TNS1: variants seen among roughly 807,000 people sequenced by gnomAD.
The protein encoded by TNS1 is tensin-1.
In TNS1, 62 loss-of-function variants were observed where a neutral mutation model predicts 168.6. The ratio of observed to expected loss-of-function variants is 0.37; its 90% CI spans 0.30 to 0.45. TNS1 has a LOEUF of 0.45. Among genes scored for constraint, TNS1 ranks in the 20% least tolerant of loss-of-function variants. The pLI, the probability that TNS1 is intolerant of heterozygous loss-of-function variation, is 1.00. For missense variants in TNS1, 2,240 were observed against 2,339.4 expected, an observed-to-expected ratio of 0.96 and a Z score of 0.88; for synonymous variants, 934 against 933.2, an observed-to-expected ratio of 1.00 and a Z score of -0.02.
chr2:217,950,035 C>A (rs968058209), intron 3 of TNS1, among the ~76,000 whole-genome samples: 1 of 152,098 alleles, frequency 6.6e-6, no homozygotes, highest in African/African-American at 2.4e-5. Flanking sequence ...AGCATCTAGA[C>A]CAAAGGAGAT....
intron 18 of TNS1, among the ~76,000 whole-genome samples, chr2:217,878,360 G>A (rs1012474658): frequency 1.3e-5 from 2 of 152,310 alleles, no homozygotes; most frequent in Middle Eastern, 3.4e-3. Flanking sequence ...GGCCCCTAGG[G>A]ACGTCAGCCA....
chr2:217,831,377 G>A, intron 22 of TNS1, 78 bp downstream of exon 22: 2 of 1,316,662 alleles, frequency 1.5e-6, no homozygotes, highest in South Asian at 2.9e-5. Context: ...CAGATTCTGA[G>A]ACCCGGGTTT....
intron 3 of TNS1, among the ~76,000 whole-genome samples, chr2:217,963,414 G>A (rs1392135232): frequency 6.6e-6 from 1 of 152,078 alleles, no homozygotes; most frequent in East Asian, 1.9e-4. Context: ...CACCGGGAGC[G>A]TAAAAGCACT....
At chr2:217,859,244 A>T in intron 18 of TNS1, 1 of 207,426 alleles carries the variant, frequency 4.8e-6, no homozygotes, top group Non-Finnish European at 9.6e-6. Flanking sequence ...GGGTATTGAG[A>T]TTTATTTCCC....
chr2:217,915,061 C>G (rs577433995), intron 4 of TNS1, among the ~76,000 whole-genome samples: 33 of 152,298 alleles, frequency 2.2e-4, no homozygotes, highest in African/African-American at 7.7e-4. Context: ...AGAGTTTGCC[C>G]CTCCCCTTTG....
chr2:218,026,596 TG>T (rs1381896873), intron 1 of TNS1, among the ~76,000 whole-genome samples: 1 of 152,136 alleles, frequency 6.6e-6, no homozygotes, highest in Admixed American at 6.5e-5. Context: ...AAAAGGTGGC[TG>T]TAGGGCACTT....
intron 3 of TNS1, among the ~76,000 whole-genome samples, chr2:217,956,113 G>A (rs1007105920): frequency 6.6e-6 from 1 of 152,130 alleles, no homozygotes; most frequent in African/African-American, 2.4e-5. Context: ...CCCACCCAGG[G>A]GTCAAGAGGA....
intron 1 of TNS1, among the ~76,000 whole-genome samples, chr2:218,022,303 C>G (rs913187935): frequency 6.6e-6 from 1 of 152,104 alleles, no homozygotes; most frequent in African/African-American, 2.4e-5. Context: ...TGGCCCCTAC[C>G]CCACCATGCC....
Position 217,836,034 on chromosome 2 carries a change from G to A in TNS1, c.3185C>T (p.Pro1062Leu). ...ACTCACCTCTTTGGGCCGCCCTCCA[G>A]GATTGAGAGCGATGGTAAGAGCCAG... ...PELALTIALN[P>L]GGRPKEPHLH... Residue 1062 changes from proline to leucine, a missense_variant, in exon 20 of 33, where the codon CCT (proline) becomes CTT (leucine). Pro to Leu is a moderately conservative substitution (Grantham distance 98, BLOSUM62 -3). This residue lies in a region of TNS1 where 2,131 missense variants were observed against 2,171.2 expected (regional missense o/e 0.98). Transcript: ENST00000682258. 1 of 1,613,802 alleles carries A rather than the reference G, an allele frequency of 6.2e-7. No individual in the cohort carries two copies. Among genetic ancestry groups the A allele is most frequent in the South Asian group, 1.1e-5 (1 of 91,068 alleles).
intron 3 of TNS1, among the ~76,000 whole-genome samples, chr2:217,970,593 A>G (rs1957752687): frequency 6.6e-6 from 1 of 152,242 alleles, no homozygotes; most frequent in Admixed American, 6.5e-5. Flanking sequence ...GCATAGATGT[A>G]CCTTGAAAAT....
intron 3 of TNS1, among the ~76,000 whole-genome samples, chr2:217,944,402 A>G (rs1957049672): frequency 6.6e-6 from 1 of 152,336 alleles, no homozygotes; most frequent in Middle Eastern, 3.4e-3. Context: ...TCAAGACTCT[A>G]TAGAAAAGAC....
rs548869325 is a variant in TNS1 at position 217,851,164 on chromosome 2, A to G, written c.1430-2077T>C. On this transcript the variant is annotated intron_variant, in intron 18 of 32. Coordinates refer to ENST00000682258, the MANE Select transcript of TNS1 (RefSeq NM_001387777.1). ...CATACACACAAATTAGAATAAACAC[A>G]TAACAGGCAGGAATACCCCCAAATA... 4.0e-5 allele frequency among the ~76,000 whole-genome samples: 6 copies of G among 151,532 alleles called. No homozygotes were observed. In the South Asian group the frequency reaches 6.3e-4, roughly 16 times the overall value.
At chr2:217,931,091 AT>A (rs1280369258) in intron 3 of TNS1, among the ~76,000 whole-genome samples, 1 of 152,150 alleles carries the variant, frequency 6.6e-6, no homozygotes, top group Non-Finnish European at 1.5e-5. Context: ...AGACAGATGA[AT>A]GAGGATGGCC....
intron 22 of TNS1, among the ~76,000 whole-genome samples, chr2:217,831,099 G>A (rs1944359899): frequency 6.6e-6 from 1 of 152,178 alleles, no homozygotes; most frequent in Non-Finnish European, 1.5e-5. Flanking sequence ...ACATGTGTGT[G>A]TACCCATGTG....
intron 4 of TNS1, among the ~76,000 whole-genome samples, chr2:217,914,535 C>T (rs1055357792): frequency 1.3e-5 from 2 of 148,170 alleles, no homozygotes; most frequent in Non-Finnish European, 3.0e-5. Context: ...TGTTTTGACA[C>T]GGAGTCTCGC....
intron 18 of TNS1, among the ~76,000 whole-genome samples, chr2:217,871,136 A>G (rs923255879): frequency 6.6e-6 from 1 of 152,220 alleles, no homozygotes; most frequent in Non-Finnish European, 1.5e-5. Context: ...AGAGGACAAG[A>G]GGACCAATCT....
chr2:218,029,606 A>C, intron 1 of TNS1, among the ~76,000 whole-genome samples: 1 of 152,268 alleles, frequency 6.6e-6, no homozygotes, highest in East Asian at 1.9e-4. Flanking sequence ...ACACCCAGGA[A>C]TATAGATAAA....
At chr2:217,865,587 A>C (rs1344647431) in intron 18 of TNS1, among the ~76,000 whole-genome samples, 1 of 152,242 alleles carries the variant, frequency 6.6e-6, no homozygotes, top group Non-Finnish European at 1.5e-5. Flanking sequence ...AATCAAAGGC[A>C]TAAGTCCCAG....
At chr2:217,916,713 C>T (rs1035634413) in intron 4 of TNS1, among the ~76,000 whole-genome samples, 3 of 152,124 alleles carry the variant, frequency 2.0e-5, no homozygotes, top group Admixed American at 6.5e-5. Context: ...CTGGCTGGCC[C>T]GGGCACAGGT....
Sources: allele counts gnomAD v4.1 joint callset (sites outside exome capture counted in the v4.1 genomes callset), GRCh38; gene constraint gnomAD v4.1.1; regional missense constraint gnomAD v4.1.1; transcripts MANE v1.5; gene names NCBI Gene and HGNC (gene_info 2026-07-23, HGNC 2026-07-21).